Variants in MITF observed in about 807,000 individuals in gnomAD.
The protein encoded by MITF is melanocyte inducing transcription factor.
MITF carries 17 observed loss-of-function variants against 60.5 expected under a neutral mutation model. The observed-to-expected ratio is 0.28, with a 90% CI of 0.19 to 0.42. MITF has a LOEUF of 0.42. MITF is among the 10% of genes least tolerant of loss of function. The pLI, the probability that MITF is intolerant of heterozygous loss-of-function variation, is 1.00. For missense variants in MITF, 622 were observed against 683.5 expected (o/e 0.91, Z 1.00); for synonymous variants, 260 against 248.5 (o/e 1.05, Z -0.43).
chr3:69,902,011 G>C (rs985597986), intron 2 of MITF, among the ~76,000 whole-genome samples: 1 of 152,152 alleles, frequency 6.6e-6, no homozygotes, highest in Non-Finnish European at 1.5e-5. Flanking sequence ...CTTTATAACT[G>C]TTTGCTTTGC....
At chr3:69,870,072 A>G (rs2064194478) in intron 1 of MITF, among the ~76,000 whole-genome samples, 1 of 151,402 alleles carries the variant, frequency 6.6e-6, no homozygotes, top group South Asian at 2.1e-4. Context: ...TAGAACCACC[A>G]TGGAGATGTA....
chr3:69,784,503 T>A (rs1288270505), intron 1 of MITF, among the ~76,000 whole-genome samples: 1 of 152,212 alleles, frequency 6.6e-6, no homozygotes, highest in Non-Finnish European at 1.5e-5. Context: ...GATTTTGAGA[T>A]CTCTTAGTAT....
rs1446590202 is a variant in MITF, at chr3:69,967,592, G to C, written c.*2344G>C. 2 of 233,346 alleles carry C rather than the reference G, an allele frequency of 8.6e-6. No homozygotes were observed. The highest frequency in any genetic ancestry group is 1.2e-3 in the Middle Eastern group (1 of 812). 14.5% of individuals were successfully genotyped at this position (233,346 alleles called of 1,614,324 possible). A position where few individuals can be genotyped will look rare whatever the true frequency, so the allele number is the denominator to read the frequency against. ...GTATGGCATCTTGTACCACTGCCCTGACTGTCACAACTCCTAACCTTGCCA... is the reference window on the plus strand; with the variant it reads ...GTATGGCATCTTGTACCACTGCCCTCACTGTCACAACTCCTAACCTTGCCA... On this transcript the variant is annotated 3_prime_UTR_variant, in exon 10 of 10. Coordinates refer to ENST00000352241, the MANE Select transcript of MITF (RefSeq NM_001354604.2).
At position 69,932,743 on chromosome 3, in the gene MITF, G is replaced by C. The variant is rs577244219; in HGVS notation, c.355-5079G>C. 5.3e-5 allele frequency among the ~76,000 whole-genome samples: 8 copies of C among 152,202 alleles called. No individual in the cohort carries two copies. The East Asian group carries it at 1.4e-3, about 26-fold the overall frequency. On this transcript the variant is annotated intron_variant, in intron 2 of 9. Coordinates refer to ENST00000352241, the MANE Select transcript of MITF (RefSeq NM_001354604.2). ...TAATTGTGGGACTGAAAAGAACCTC[G>C]ACACTTAATCAGATGTGACCTTTTG...
At chr3:69,746,498 G>A (rs575218509) in intron 1 of MITF, among the ~76,000 whole-genome samples, 2 of 152,266 alleles carry the variant, frequency 1.3e-5, no homozygotes, top group South Asian at 2.1e-4. Flanking sequence ...CAATAAGTGA[G>A]AGTTTCATTT....
chr3:69,747,209 C>A (rs575836712), intron 1 of MITF, among the ~76,000 whole-genome samples: 1 of 152,080 alleles, frequency 6.6e-6, no homozygotes, highest in Non-Finnish European at 1.5e-5. Context: ...TTGGAGGTGG[C>A]GCACAGTTAA....
At chr3:69,963,544 G>A (rs1207261699) in intron 9 of MITF, among the ~76,000 whole-genome samples, 2 of 152,124 alleles carry the variant, frequency 1.3e-5, no homozygotes, top group South Asian at 2.1e-4. Flanking sequence ...AAAGGAAATA[G>A]CATTTTTATT....
chr3:69,956,627 A>G, intron 8 of MITF, 97 bp downstream of exon 8: 1 of 966,212 alleles, frequency 1.0e-6, no homozygotes, highest in Non-Finnish European at 1.6e-6. Flanking sequence ...ACTAAAGTAA[A>G]GAAGTCTCCC....
intron 1 of MITF, among the ~76,000 whole-genome samples, chr3:69,798,076 A>G (rs1046434553): frequency 6.6e-6 from 1 of 152,192 alleles, no homozygotes; most frequent in Admixed American, 6.5e-5. Flanking sequence ...GAGCTGGGAT[A>G]TGTGTACCCA....
At chr3:69,952,179 A>G (rs781657738) in intron 7 of MITF, among the ~76,000 whole-genome samples, 2 of 151,954 alleles carry the variant, frequency 1.3e-5, no homozygotes, top group African/African-American at 2.4e-5. Flanking sequence ...AAGAGGGAGA[A>G]TTGATCCCCA....
At chr3:69,784,959 G>C (rs2062624295) in intron 1 of MITF, among the ~76,000 whole-genome samples, 1 of 152,052 alleles carries the variant, frequency 6.6e-6, no homozygotes, top group South Asian at 2.1e-4. Flanking sequence ...GACTGGCGTG[G>C]ACTGTGGGCC....
intron 1 of MITF, among the ~76,000 whole-genome samples, chr3:69,776,025 C>G (rs2062468322): frequency 6.6e-6 from 1 of 152,088 alleles, no homozygotes; most frequent in South Asian, 2.1e-4. Context: ...ATAGTCACAC[C>G]CTAAATTATA....
In MITF at chr3:69,966,178, A is replaced by C; in HGVS notation, c.*930A>C. The C allele has an allele frequency of 4.3e-6, 1 of 232,644 alleles. No individual in the cohort carries two copies. The highest frequency in any genetic ancestry group is 8.5e-6 in the Non-Finnish European group (1 of 117,512). The allele number at this position is 232,644 out of a possible 1,614,324, so 14.4% of individuals were successfully genotyped here. A position where few individuals can be genotyped will look rare whatever the true frequency, so the allele number is the denominator to read the frequency against. ...TTTACTGTTCATTTGATTTGTACAG[A>C]TTCTTTATTATCATTGTTCTTTTCA... On this transcript the variant is annotated 3_prime_UTR_variant, in exon 10 of 10. Transcript: ENST00000352241.
chr3:69,935,145 G>A (rs778451553), intron 2 of MITF, among the ~76,000 whole-genome samples: 3 of 152,082 alleles, frequency 2.0e-5, no homozygotes, highest in African/African-American at 2.4e-5. Flanking sequence ...GAGGTATTTG[G>A]GTTAGAAACA....
intron 1 of MITF, among the ~76,000 whole-genome samples, chr3:69,749,295 A>G (rs1324553643): frequency 6.6e-6 from 1 of 152,194 alleles, no homozygotes; most frequent in Admixed American, 6.5e-5. Context: ...ATTCCCTTCC[A>G]TCAAAAGGAC....
intron 1 of MITF, chr3:69,866,292 T>C: frequency 6.2e-7 from 1 of 1,613,682 alleles, no homozygotes; most frequent in Non-Finnish European, 8.5e-7. Flanking sequence ...GGAAAAAAGA[T>C]GGAGGCGCTT....
At chr3:69,877,012 A>G (rs1273642256) in intron 1 of MITF, among the ~76,000 whole-genome samples, 4 of 152,222 alleles carry the variant, frequency 2.6e-5, no homozygotes, top group African/African-American at 2.4e-5. Flanking sequence ...GACATTCCCT[A>G]CTAATCATTT....
At chr3:69,842,139 T>G (rs2063648864) in intron 1 of MITF, among the ~76,000 whole-genome samples, 1 of 152,194 alleles carries the variant, frequency 6.6e-6, no homozygotes, top group African/African-American at 2.4e-5. Flanking sequence ...AAATTCATTT[T>G]TTCAAATAAG....
At chr3:69,740,069 G>A (rs1364041828) in intron 1 of MITF, among the ~76,000 whole-genome samples, 2 of 152,202 alleles carry the variant, frequency 1.3e-5, no homozygotes, top group Admixed American at 1.3e-4. Context: ...TGGGATGGGG[G>A]AGAAAGAGTT....
Sources: gnomAD v4.1 joint callset for allele counts (sites outside exome capture counted in the v4.1 genomes callset) on GRCh38, gnomAD v4.1.1 for gene constraint, MANE v1.5 for transcripts, NCBI Gene and HGNC (gene_info 2026-07-23, HGNC 2026-07-21) for gene names.